Variants in SETX observed in about 807,000 individuals in gnomAD.
The protein encoded by SETX is senataxin, also known as helicase senataxin.
A neutral mutation model predicts 227.2 loss-of-function variants in SETX; 90 were observed. The ratio of observed to expected loss-of-function variants is 0.40; its 90% CI spans 0.33 to 0.47. The LOEUF is 0.47. Among genes scored for constraint, SETX ranks in the 20% least tolerant of loss-of-function variants. The pLI is 0.91. For missense variants in SETX, 3,052 were observed against 3,181.5 expected (o/e 0.96, Z 0.98); for synonymous variants, 1,210 against 1,113.2 (o/e 1.09, Z -1.73).
At chr9:132,283,932 CCTCT>C (rs1843683134) in intron 18 of SETX, among the ~76,000 whole-genome samples, 1 of 152,098 alleles carries the variant, frequency 6.6e-6, no homozygotes, top group African/African-American at 2.4e-5. Context: ...GTCTGGTCTC[CCTCT>C]CTAACGCAGT....
chr9:132,319,883 C>CT (rs771569909), intron 10 of SETX, among the ~76,000 whole-genome samples: 1 of 152,114 alleles, frequency 6.6e-6, no homozygotes, highest in Non-Finnish European at 1.5e-5. Flanking sequence ...AAGGGTACTC[C>CT]TTGCCTGCCT....
chr9:132,336,558 G>T (rs763532775), intron 5 of SETX, 43 bp from the exon 6 acceptor site: 1 of 1,355,294 alleles, frequency 7.4e-7, no homozygotes, highest in Non-Finnish European at 1.1e-6. Context: ...ATAAACAATG[G>T]TCTACAAACA....
At chr9:132,341,065 G>A (rs1281430504) in intron 5 of SETX, among the ~76,000 whole-genome samples, 4 of 151,872 alleles carry the variant, frequency 2.6e-5, no homozygotes, top group African/African-American at 4.8e-5. Context: ...AGCCCTTGTC[G>A]GCTGGACGTG....
chr9:132,302,575 G>A (rs866990148), intron 11 of SETX, among the ~76,000 whole-genome samples: 46 of 138,900 alleles, frequency 3.3e-4, no homozygotes, highest in African/African-American at 1.2e-3. Flanking sequence ...CAGGAGAATC[G>A]CTTGAACCTG....
chr9:132,296,796 G>A, intron 14 of SETX, 91 bp downstream of exon 14: 1 of 1,119,346 alleles, frequency 8.9e-7, no homozygotes, highest in Non-Finnish European at 1.4e-6. Context: ...AGAGGAAATG[G>A]CATGTTAATA....
At chr9:132,278,364 T>C (rs1467873880) in intron 20 of SETX, 107 bp from the exon 21 acceptor site, 11 of 1,087,186 alleles carry the variant, frequency 1.0e-5, no homozygotes, top group Non-Finnish European at 1.5e-5. Flanking sequence ...AACGTTCAGG[T>C]AGCATAAGAT....
At chr9:132,305,004 G>T (rs1845240215) in intron 11 of SETX, among the ~76,000 whole-genome samples, 4 of 148,734 alleles carry the variant, frequency 2.7e-5, no homozygotes, top group Admixed American at 2.7e-4. Context: ...CAAAAAAAAA[G>T]AAAAAAAAGA....
At chr9:132,269,956 G>A (rs74554824) in intron 24 of SETX, among the ~76,000 whole-genome samples, 23 of 43,338 alleles carry the variant, frequency 5.3e-4, no homozygotes, top group South Asian at 1.3e-3. Flanking sequence ...CAGCGTGCCC[G>A]TGTGAGACAC....
At chr9:132,345,756 C>A (rs943215818) in intron 4 of SETX, among the ~76,000 whole-genome samples, 1 of 152,104 alleles carries the variant, frequency 6.6e-6, no homozygotes, top group Non-Finnish European at 1.5e-5. Flanking sequence ...GTGGCTCGTG[C>A]CTATAATCCC....
intron 24 of SETX, 37 bp from the exon 25 acceptor site, chr9:132,269,739 A>G (rs1842804605): frequency 6.3e-7 from 1 of 1,592,712 alleles, no homozygotes; most frequent in African/African-American, 1.3e-5. Context: ...TTTGTCTAGA[A>G]TGACTTAACA....
intron 4 of SETX, among the ~76,000 whole-genome samples, chr9:132,343,997 G>A (rs146831906): frequency 1.3e-4 from 20 of 152,238 alleles, no homozygotes; most frequent in African/African-American, 4.1e-4. Context: ...GTTTCCGTAC[G>A]AACATAGTTG....
intron 25 of SETX, among the ~76,000 whole-genome samples, chr9:132,267,209 A>T (rs80262607): frequency 0.038 from 5,786 of 152,266 alleles, 382 homozygotes; most frequent in African/African-American, 0.13. Flanking sequence ...GTTTGGAGAA[A>T]GTCATGTGAC....
At chr9:132,333,815 C>A (rs970257045) in intron 7 of SETX, among the ~76,000 whole-genome samples, 9 of 152,146 alleles carry the variant, frequency 5.9e-5, no homozygotes, top group African/African-American at 9.7e-5. Flanking sequence ...CTGCATTGTT[C>A]AATACAGTAC....
chr9:132,276,760 T>A (rs746304314), intron 22 of SETX, among the ~76,000 whole-genome samples: 1 of 152,228 alleles, frequency 6.6e-6, no homozygotes, highest in Non-Finnish European at 1.5e-5. Context: ...GAATAACTGC[T>A]TACCCAGGTG....
At chr9:132,273,550 A>T (rs1429002284) in intron 23 of SETX, among the ~76,000 whole-genome samples, 1 of 152,208 alleles carries the variant, frequency 6.6e-6, no homozygotes, top group African/African-American at 2.4e-5. Context: ...TTTATTCCGA[A>T]GTGTTTTATT....
intron 10 of SETX, among the ~76,000 whole-genome samples, chr9:132,320,690 T>C (rs982173766): frequency 6.6e-6 from 1 of 151,466 alleles, no homozygotes; most frequent in Non-Finnish European, 1.5e-5. Flanking sequence ...ATAAGACGGT[T>C]GAAATCGTAT....
chr9:132,346,057 C>T (rs1439844587), intron 4 of SETX, among the ~76,000 whole-genome samples: 1 of 152,008 alleles, frequency 6.6e-6, no homozygotes, highest in Non-Finnish European at 1.5e-5. Flanking sequence ...ACCCTCTGAA[C>T]AAGATAAGTT....
At chr9:132,355,876 A>ACT (rs1848884519), upstream of SETX, among the ~76,000 whole-genome samples, 1 of 151,056 alleles carries the variant, frequency 6.6e-6, no homozygotes, top group Non-Finnish European at 1.5e-5. Context: ...AATCCCAGCT[A>ACT]CTCAGGAGGC....
chr9:132,347,942 C>CA (rs1848381990), intron 3 of SETX, among the ~76,000 whole-genome samples: 1 of 151,724 alleles, frequency 6.6e-6, no homozygotes, highest in Non-Finnish European at 1.5e-5. Context: ...TATTCAAAGC[C>CA]AAATATTTAG....
Sources: gnomAD v4.1 joint callset for allele counts (sites outside exome capture counted in the v4.1 genomes callset) on GRCh38, gnomAD v4.1.1 for gene constraint, MANE v1.5 for transcripts, NCBI Gene and HGNC (gene_info 2026-07-23, HGNC 2026-07-21) for gene names.